The following PAPLN variants were observed in gnomAD, a reference collection of about 807,000 sequenced individuals.
PAPLN encodes the protein papilin, proteoglycan like sulfated glycoprotein.
Under a neutral mutation model 159.0 loss-of-function variants are expected in PAPLN, and 146 were observed. That is an observed-to-expected ratio of 0.92 (90% CI 0.80 to 1.05). The LOEUF is 1.05. PAPLN is among the 50% of genes least tolerant of loss of function. The pLI is 0.00. For missense variants in PAPLN, 1,720 were observed against 1,743.9 expected (o/e 0.99, Z 0.24); for synonymous variants, 734 against 702.9 (o/e 1.04, Z -0.70).
chr14:73,245,986 C>CT lies in PAPLN; in HGVS notation c.232-86dup, dbSNP rs1884225428. On this transcript the variant is annotated intron_variant, in intron 4 of 26. Coordinates refer to ENST00000644200, the MANE Select transcript of PAPLN (RefSeq NM_001365906.3). This position sits in a 1 kb window ranked among gnomAD's most constrained non-coding sequence, Gnocchi z 4.2. ...CCGATGGGGCAGGCAAGGGAGACTC[C>CT]TGGGCTCCCTGGGCTCGGGCGGGGC... 2.3e-6 allele frequency: 3 copies of CT among 1,324,818 alleles called. No homozygotes were observed. Among genetic ancestry groups the CT allele is most frequent in the Non-Finnish European group, 3.0e-6 (3 of 995,404 alleles). 82.1% of individuals were successfully genotyped at this position (1,324,818 alleles called of 1,614,324 possible). A position where few individuals can be genotyped will look rare whatever the true frequency, so the allele number is the denominator to read the frequency against.
Position 73,257,045 on chromosome 14 carries a change from C to T in PAPLN, c.1628-1934C>T, listed in dbSNP as rs79290044. On this transcript the variant is annotated intron_variant, in intron 14 of 26. Transcript: ENST00000644200. The stretch of plus-strand genomic sequence containing the variant: ...GCAGTGCAATGGTACAATTATAGAT[C>T]ACTGCAGCCTCCACGTTCTGGGCTC... Among the ~76,000 whole-genome samples, 314 of 152,230 alleles carry T rather than the reference C, an allele frequency of 2.1e-3. 1 individual carries two copies. The highest frequency in any genetic ancestry group is 3.8e-3 in the Non-Finnish European group (256 of 68,016).
At position 73,263,702 on chromosome 14, in the gene PAPLN, G is replaced by A. The variant is rs1223542916; in HGVS notation, c.2781G>A (p.Val927=). Residue 927 remains valine (V), a synonymous_variant, in exon 20 of 27, where the codon GTG becomes GTA. Coordinates refer to ENST00000644200, the MANE Select transcript of PAPLN (RefSeq NM_001365906.3). ...SLVQAALGQL[V]RLSCSDDTAP... ...TGCAGGCAGCCCTGGGGCAGTTGGT[G>A]CGGCTCTCCTGCTCAGACGACACTG... 1.9e-6 allele frequency: 3 copies of A among 1,613,056 alleles called. No homozygotes were observed. Among genetic ancestry groups the A allele is most frequent in the South Asian group, 2.2e-5 (2 of 91,082 alleles).
chr14:73,264,142 G>C (rs1886949989), intron 20 of PAPLN, 69 bp from the exon 21 acceptor site: 2 of 1,605,630 alleles, frequency 1.2e-6, no homozygotes, highest in Non-Finnish European at 1.7e-6. Flanking sequence ...CGAGCACCGA[G>C]GCGGAGGGAA....
intron 2 of PAPLN, 56 bp from the exon 3 acceptor site, chr14:73,244,588 C>G (rs1883976307): frequency 7.1e-7 from 1 of 1,418,004 alleles, no homozygotes; most frequent in East Asian, 2.5e-5. Flanking sequence ...TTTGGAGGGG[C>G]CTCTGGGCTC....
At chr14:73,258,935 C>A in intron 14 of PAPLN, 44 bp from the exon 15 acceptor site, 1 of 1,551,208 alleles carries the variant, frequency 6.4e-7, no homozygotes, top group Non-Finnish European at 8.7e-7. Flanking sequence ...TCCATCCTCT[C>A]TTCCTCCCTC....
At chr14:73,271,458 GT>G (rs1366630199) in intron 26 of PAPLN, among the ~76,000 whole-genome samples, 1 of 151,830 alleles carries the variant, frequency 6.6e-6, no homozygotes, top group African/African-American at 2.4e-5. Context: ...AGTCAGCTGA[GT>G]TTTAAGAACC....
At position 73,273,825 on chromosome 14, in the gene PAPLN, T is replaced by C. The variant is rs1303677036; in HGVS notation, c.*1161T>C. On this transcript the variant is annotated 3_prime_UTR_variant, in exon 27 of 27. Transcript: ENST00000644200. Reference sequence around the variant, plus strand: ...AATCTGGTGCAGAGGGTTAACAGCATAACCCTTGTTGGCAAAATGGAATAG... The same window carrying C: ...AATCTGGTGCAGAGGGTTAACAGCACAACCCTTGTTGGCAAAATGGAATAG... The C allele has an allele frequency of 6.6e-6, 1 of 152,250 alleles. No homozygotes were observed. The highest frequency in any genetic ancestry group is 2.4e-5 in the African/African-American group (1 of 41,462). The allele number at this position is 152,250 out of a possible 1,614,324, so 9.4% of individuals were successfully genotyped here.
rs140475187 is a variant in PAPLN at position 73,253,880 on chromosome 14, C to T, written c.1221C>T (p.Ala407=). 1.2e-4 allele frequency: 194 copies of T among 1,613,256 alleles called. 1 individual carries two copies. Among genetic ancestry groups the T allele is most frequent in the Middle Eastern group, 4.9e-4 (3 of 6,080 alleles). ...IQEAVEEAEC[A]GLPGKPPAIQ... The stretch of plus-strand genomic sequence containing the variant: ...AGGCCGTGGAGGAGGCTGAGTGTGC[C>T]GGGCTGCCTGGGAAGCCCCCTGCCA... The change falls in exon 12 of 27, where the codon GCC becomes GCT. Residue 407 remains alanine (A), a synonymous_variant. Transcript: ENST00000644200.
rs1257688437 is a variant in PAPLN, at chr14:73,245,418, T to C, written c.171-218T>C. The C allele has an allele frequency of 3.5e-6, 2 of 575,742 alleles. No homozygotes were observed. Among genetic ancestry groups the C allele is most frequent in the African/African-American group, 3.8e-5 (2 of 53,002 alleles). 35.7% of individuals were successfully genotyped at this position (575,742 alleles called of 1,614,324 possible). A position where few individuals can be genotyped will look rare whatever the true frequency, so the allele number is the denominator to read the frequency against. ...GAGTGGTCCCGCCTTAAATCCAAAC[T>C]ATAGGGTGGGTAGGGCTCTGAGTCC... On this transcript the variant is annotated intron_variant, in intron 3 of 26. Coordinates refer to ENST00000644200, the MANE Select transcript of PAPLN (RefSeq NM_001365906.3). The surrounding 1 kb of genome is among the most constrained non-coding windows in gnomAD (Gnocchi z 4.2).
chr14:73,268,477 G>A (rs539571725), intron 25 of PAPLN, 80 bp from the exon 26 acceptor site: 1 of 1,437,368 alleles, frequency 7.0e-7, no homozygotes, highest in Non-Finnish European at 9.5e-7. Flanking sequence ...GCTCTGGAAT[G>A]GCCTTTGATT....
At chr14:73,271,714 C>G (rs866296761) in intron 26 of PAPLN, among the ~76,000 whole-genome samples, 1 of 152,088 alleles carries the variant, frequency 6.6e-6, no homozygotes, top group Non-Finnish European at 1.5e-5. Context: ...ATTGGCCAGG[C>G]TGGTCTCAAA....
At chr14:73,270,162 G>A (rs1290246886) in intron 26 of PAPLN, among the ~76,000 whole-genome samples, 1 of 152,168 alleles carries the variant, frequency 6.6e-6, no homozygotes, top group Non-Finnish European at 1.5e-5. Context: ...ACCTCTGTCC[G>A]GGGCCTCGCT....
chr14:73,262,999 T>C, intron 19 of PAPLN, 172 bp downstream of exon 19: 1 of 546,360 alleles, frequency 1.8e-6, no homozygotes, highest in South Asian at 6.2e-5. Context: ...ATGGAGAAGC[T>C]GGGGCTTCAG....
At position 73,266,794 on chromosome 14, in the gene PAPLN, G is replaced by A; in HGVS notation, c.3463G>A (p.Val1155Met). 1.2e-6 allele frequency: 2 copies of A among 1,613,754 alleles called. No individual in the cohort carries two copies. Among genetic ancestry groups the A allele is most frequent in the Non-Finnish European group, 1.7e-6 (2 of 1,179,812 alleles). Residue 1155 changes from valine (V) to methionine (M), a missense_variant, in exon 25 of 27, where the codon GTG becomes ATG. Val to Met is a conservative substitution (Grantham distance 21). Transcript: ENST00000644200. ...PEGDTARLLC[V>M]VAGESVNIRW... ...GGGTGATACGGCCAGGCTATTGTGT[G>A]TGGTAGCAGGAGAAAGTGTGAACAT...
intron 5 of PAPLN, among the ~76,000 whole-genome samples, chr14:73,248,386 G>T (rs1594789611): frequency 6.6e-6 from 1 of 152,240 alleles, no homozygotes; most frequent in East Asian, 1.9e-4. Context: ...TCACATGATA[G>T]AAAAATTGGA....
At chr14:73,236,555 G>A (rs901055707), upstream of PAPLN, among the ~76,000 whole-genome samples, 3 of 152,146 alleles carry the variant, frequency 2.0e-5, no homozygotes, top group South Asian at 2.1e-4. Flanking sequence ...AGTGGCTCAC[G>A]TCTGTAATCC....
Position 73,245,016 on chromosome 14 carries a change from C to A in PAPLN, c.170+257C>A, listed in dbSNP as rs111403660. 1 of 372,824 alleles carries A rather than the reference C, an allele frequency of 2.7e-6. No homozygotes were observed. The highest frequency in any genetic ancestry group is 4.3e-5 in the Admixed American group (1 of 23,428). The allele number at this position is 372,824 out of a possible 1,614,324, so 23.1% of individuals were successfully genotyped here. ...CAGCTCCTGATGCTGCACCGGCCTG[C>A]AGTATGGCAGGTGCAGTCAATTTTG... On this transcript the variant is annotated intron_variant, in intron 3 of 26. Transcript: ENST00000644200. This position sits in a 1 kb window ranked among gnomAD's most constrained non-coding sequence, Gnocchi z 4.2.
At chr14:73,263,445 G>C in intron 19 of PAPLN, 200 bp from the exon 20 acceptor site, 1 of 641,570 alleles carries the variant, frequency 1.6e-6, no homozygotes, top group Non-Finnish European at 2.7e-6. Context: ...TGATGCTTGG[G>C]GGAGCCGGGG....
intron 2 of PAPLN, among the ~76,000 whole-genome samples, chr14:73,242,183 G>A (rs888451370): frequency 6.6e-6 from 1 of 152,268 alleles, no homozygotes; most frequent in Non-Finnish European, 1.5e-5. Context: ...GACGGACTAG[G>A]GCTCCTGGCT....
Sources: allele counts gnomAD v4.1 joint callset (sites outside exome capture counted in the v4.1 genomes callset), GRCh38; gene constraint gnomAD v4.1.1; non-coding constraint Gnocchi (gnomAD v3.1); transcripts MANE v1.5; gene names NCBI Gene and HGNC (gene_info 2026-07-23, HGNC 2026-07-21).